B4GALNT1: variants seen among roughly 807,000 people sequenced by gnomAD.
B4GALNT1 encodes beta-1,4-N-acetyl-galactosaminyltransferase 1, also known as beta-1,4 N-acetylgalactosaminyltransferase 1.
A neutral mutation model predicts 55.2 loss-of-function variants in B4GALNT1; 43 were observed. That is an observed-to-expected ratio of 0.78 (90% CI 0.61 to 1.00). The LOEUF (loss-of-function observed/expected upper bound fraction) is 1.00. Among genes scored for constraint, B4GALNT1 ranks in the 50% least tolerant of loss-of-function variants. The pLI, the probability that B4GALNT1 is intolerant of heterozygous loss-of-function variation, is 0.00. For synonymous variants in B4GALNT1, 305 were observed against 311.6 expected, an observed-to-expected ratio of 0.98 and a Z score of 0.22; for missense variants, 664 against 729.7, an observed-to-expected ratio of 0.91 and a Z score of 1.04.
chr12:57,630,647 G>T, intron 4 of B4GALNT1, 129 bp from the exon 5 acceptor site: 2 of 1,123,822 alleles, frequency 1.8e-6, no homozygotes, highest in Admixed American at 2.8e-5. Context: ...GCCTCAGCAG[G>T]GCACACTGTA....
chr12:57,624,595 C>T lies in B4GALNT1; in HGVS notation c.*2149G>A. Reference sequence around the variant, plus strand: ...TCTTCTCCATGATGACTGTGGTCTGCCGCACCCGGAGGTGGGCATAGAGAT... The same window carrying T: ...TCTTCTCCATGATGACTGTGGTCTGTCGCACCCGGAGGTGGGCATAGAGAT... On this transcript the variant is annotated 3_prime_UTR_variant, in exon 11 of 11. Coordinates refer to ENST00000341156, the MANE Select transcript of B4GALNT1 (RefSeq NM_001478.5). 1.5e-6 allele frequency: 1 copy of T among 678,912 alleles called. No homozygotes were observed. The highest frequency in any genetic ancestry group is 1.4e-5 in the South Asian group (1 of 72,284). The allele number at this position is 678,912 out of a possible 1,614,324, so 42.1% of individuals were successfully genotyped here. A position where few individuals can be genotyped will look rare whatever the true frequency, so the allele number is the denominator to read the frequency against.
chr12:57,627,889 G>T (rs1441048310), intron 9 of B4GALNT1, 31 bp from the exon 10 acceptor site: 2 of 1,543,872 alleles, frequency 1.3e-6, no homozygotes, highest in Admixed American at 1.9e-5. Context: ...CCTCCAGGCG[G>T]GCCTGGGATA....
Position 57,629,150 on chromosome 12 carries a change from G to A in B4GALNT1, c.713-4C>T. 2 of 1,575,784 alleles carry A rather than the reference G, an allele frequency of 1.3e-6. No individual in the cohort carries two copies. The highest frequency in any genetic ancestry group is 1.8e-5 in the Admixed American group (1 of 54,812). On this transcript the variant is annotated splice_polypyrimidine_tract_variant and splice_region_variant and intron_variant, in intron 6 of 10. Transcript: ENST00000341156. Reference sequence around the variant, plus strand: ...TGTCCCTCGGTGGAGAACCGGACTGGGAAGAAAGGACATGGCATTTGACCC... The same window carrying A: ...TGTCCCTCGGTGGAGAACCGGACTGAGAAGAAAGGACATGGCATTTGACCC...
At position 57,626,747 on chromosome 12, in the gene B4GALNT1, C is replaced by T; in HGVS notation, c.1599G>A (p.Gln533=). The stretch of plus-strand genomic sequence containing the variant: ...GTCAGAAATCCCCAGCGGGCCATCA[C>T]TGGGAGGTCATGCACTGCAGCCGGT... ...FKHRLQCMTS[Q] is the part of the protein sequence containing the mutation. The change falls in exon 11 of 11, where the codon CAG becomes CAA. Residue 533 remains glutamine (Q), a synonymous_variant. Transcript: ENST00000341156. 6.2e-7 allele frequency: 1 copy of T among 1,614,188 alleles called. No homozygotes were observed.
chr12:57,630,930 C>T, intron 4 of B4GALNT1, 50 bp downstream of exon 4: 1 of 1,547,888 alleles, frequency 6.5e-7, no homozygotes, highest in Non-Finnish European at 8.9e-7. Context: ...ACCTTGGGCT[C>T]TGCCACCCCC....
In B4GALNT1 at chr12:57,624,910, A is replaced by G; in HGVS notation, c.*1834T>C. ...TCTGCATCCTGAGCTATCCAACACC[A>G]CTGTACTTTGGGACCCGTGGGCAGT... is the stretch of plus-strand genomic sequence containing the variant. On this transcript the variant is annotated 3_prime_UTR_variant, in exon 11 of 11. Coordinates refer to ENST00000341156, the MANE Select transcript of B4GALNT1 (RefSeq NM_001478.5). 6.2e-7 allele frequency: 1 copy of G among 1,614,034 alleles called. No homozygotes were observed. The highest frequency in any genetic ancestry group is 1.6e-4 in the Middle Eastern group (1 of 6,062).
In B4GALNT1 at chr12:57,630,520, T is replaced by C; in HGVS notation, c.491-2A>G. On this transcript the variant is annotated splice_acceptor_variant, in intron 4 of 10. Transcript: ENST00000341156. LOFTEE classifies it high-confidence loss of function. ...CAGAAGCTGCCTGAAGGCTCAGCCCTAGGAGAAAGGAGTGGGGGGATCAGA... is the reference window on the plus strand; with the variant it reads ...CAGAAGCTGCCTGAAGGCTCAGCCCCAGGAGAAAGGAGTGGGGGGATCAGA... 1 of 1,605,906 alleles carries C rather than the reference T, an allele frequency of 6.2e-7. No individual in the cohort carries two copies. Among genetic ancestry groups the C allele is most frequent in the Admixed American group, 1.7e-5 (1 of 58,238 alleles).
intron 5 of B4GALNT1, 34 bp from the exon 6 acceptor site, chr12:57,630,366 C>A (rs1039018343): frequency 1.2e-5 from 20 of 1,603,970 alleles, no homozygotes; most frequent in Non-Finnish European, 1.6e-5. Flanking sequence ...GGGTTAGGCC[C>A]CAGACCCACT....
chr12:57,631,167 C>G, intron 3 of B4GALNT1, 33 bp downstream of exon 3: 1 of 1,613,858 alleles, frequency 6.2e-7, no homozygotes, highest in Non-Finnish European at 8.5e-7. Context: ...TGCTCTCCCC[C>G]TGAGGAGTCA....
rs1594971739 is a variant in B4GALNT1 at position 57,624,746 on chromosome 12, C to A, written c.*1998G>T. On this transcript the variant is annotated 3_prime_UTR_variant, in exon 11 of 11. Transcript: ENST00000341156. ...TAGGGTGTAGTGCCTGGCACTTGGA[C>A]AGGCTGAGGGGACAGAGCTCTACAG... 1.1e-6 allele frequency: 1 copy of A among 930,880 alleles called. No homozygotes were observed. The highest frequency in any genetic ancestry group is 1.8e-6 in the Non-Finnish European group (1 of 557,096). 57.7% of individuals were successfully genotyped at this position (930,880 alleles called of 1,614,324 possible).
Position 57,625,151 on chromosome 12 carries a change from T to C in B4GALNT1, c.*1593A>G. 6.2e-7 allele frequency: 1 copy of C among 1,614,054 alleles called. No individual in the cohort carries two copies. The highest frequency in any genetic ancestry group is 8.5e-7 in the Non-Finnish European group (1 of 1,179,990). ...ACTTCAAAGCCAGATGGCCCAATGG[T>C]TGCAGGTGAGATGGGGTGACAAGAA... On this transcript the variant is annotated 3_prime_UTR_variant, in exon 11 of 11. Transcript: ENST00000341156.
rs1333461536 is a variant in B4GALNT1 at position 57,631,990 on chromosome 12, C to CTGCGGGGGCTT, written c.132_142dup (p.Arg48LysfsTer28). The stretch of plus-strand genomic sequence containing the variant: ...AGGAGCAAGATCTGGCAGCTCGGGC[C>CTGCGGGGGCTT]TGCGGGGGCTTTGCGGGGGCGCCCA... On this transcript the variant is annotated frameshift_variant, in exon 2 of 11. Coordinates refer to ENST00000341156, the MANE Select transcript of B4GALNT1 (RefSeq NM_001478.5). LOFTEE classifies it high-confidence loss of function. The CTGCGGGGGCTT allele has an allele frequency of 9.6e-6, 14 of 1,457,008 alleles. No homozygotes were observed. Among genetic ancestry groups the CTGCGGGGGCTT allele is most frequent in the Non-Finnish European group, 8.1e-6 (9 of 1,105,290 alleles). 90.3% of individuals were successfully genotyped at this position (1,457,008 alleles called of 1,614,324 possible).
Position 57,632,090 on chromosome 12 carries a change from G to A in B4GALNT1, c.43C>T (p.Leu15Phe), listed in dbSNP as rs867363541. 5 of 1,448,672 alleles carry A rather than the reference G, an allele frequency of 3.5e-6. No individual in the cohort carries two copies. The highest frequency in any genetic ancestry group is 3.7e-4 in the Middle Eastern group (2 of 5,470). 89.7% of individuals were successfully genotyped at this position (1,448,672 alleles called of 1,614,324 possible). ...AGGAGCCCCAGCGAGGCGCAGGCGA[G>A]CAGAAGGACCAGAGCGCACAGGGCC... is the stretch of plus-strand genomic sequence containing the variant. The part of the protein sequence containing the change: ...RRALCALVLL[L>F]ACASLGLLYA... The change falls in exon 2 of 11, where the codon CTC becomes TTC. Residue 15 changes from leucine to phenylalanine, a missense_variant. By Grantham distance (22) the Leu-to-Phe change is conservative (BLOSUM62 0). Transcript: ENST00000341156.
chr12:57,623,677 A>G lies in B4GALNT1; in HGVS notation c.*3067T>C. 3.2e-6 allele frequency: 2 copies of G among 621,230 alleles called. No individual in the cohort carries two copies. Among genetic ancestry groups the G allele is most frequent in the Admixed American group, 5.9e-5 (2 of 34,012 alleles). 38.5% of individuals were successfully genotyped at this position (621,230 alleles called of 1,614,324 possible). A position where few individuals can be genotyped will look rare whatever the true frequency, so the allele number is the denominator to read the frequency against. ...TAATTGGGGGGAGCGGGAGGGTTAG[A>G]TGTGAATGGCAGAATATTAAGAAGG... On this transcript the variant is annotated 3_prime_UTR_variant, in exon 11 of 11. Transcript: ENST00000341156.
intron 9 of B4GALNT1, 27 bp downstream of exon 9, chr12:57,628,095 C>A (rs1318723522): frequency 1.9e-6 from 3 of 1,612,028 alleles, no homozygotes; most frequent in African/African-American, 1.3e-5. Context: ...CCTTCTCCAC[C>A]CCCACATCCT....
intron 9 of B4GALNT1, 59 bp from the exon 10 acceptor site, chr12:57,627,917 A>G (rs1449937493): frequency 6.7e-7 from 1 of 1,498,810 alleles, no homozygotes; most frequent in East Asian, 2.4e-5. Context: ...CGAAGGGGTC[A>G]AGGTCTGCGC....
chr12:57,626,643 C>T lies in B4GALNT1; in HGVS notation c.*101G>A, dbSNP rs893413881. The T allele has an allele frequency of 7.5e-7, 1 of 1,336,628 alleles. No individual in the cohort carries two copies. The highest frequency in any genetic ancestry group is 1.7e-5 in the Admixed American group (1 of 57,290). 82.8% of individuals were successfully genotyped at this position (1,336,628 alleles called of 1,614,324 possible). ...GAGTGAGGAACTAGAGGCTCAGGGA[C>T]AGCCAGTAGAGTGCTCACAGGGTGG... On this transcript the variant is annotated 3_prime_UTR_variant, in exon 11 of 11. Coordinates refer to ENST00000341156, the MANE Select transcript of B4GALNT1 (RefSeq NM_001478.5).
Position 57,625,514 on chromosome 12 carries a change from C to T in B4GALNT1, c.*1230G>A, listed in dbSNP as rs1161253513. The T allele has an allele frequency of 2.5e-6, 4 of 1,613,782 alleles. No individual in the cohort carries two copies. The Admixed American group carries it at 5.0e-5, about 20-fold the overall frequency. ...GCCCAGTGCCTGGGCAATGACTGGA[C>T]ACCTGCGGTAGGGAAAAGGACCCGG... On this transcript the variant is annotated 3_prime_UTR_variant, in exon 11 of 11. Transcript: ENST00000341156.
At position 57,625,044 on chromosome 12, in the gene B4GALNT1, C is replaced by A; in HGVS notation, c.*1700G>T. ...AGGGAGTGGGAGGCAGGTGGGTGTT[C>A]TGAGGGGGATCCTTGTGCTCAAGGG... On this transcript the variant is annotated 3_prime_UTR_variant, in exon 11 of 11. Coordinates refer to ENST00000341156, the MANE Select transcript of B4GALNT1 (RefSeq NM_001478.5). 1 of 1,613,456 alleles carries A rather than the reference C, an allele frequency of 6.2e-7. No homozygotes were observed. The highest frequency in any genetic ancestry group is 8.5e-7 in the Non-Finnish European group (1 of 1,179,472).
Sources: allele counts gnomAD v4.1 joint callset, GRCh38; gene constraint gnomAD v4.1.1; transcripts MANE v1.5; gene names NCBI Gene and HGNC (gene_info 2026-07-23, HGNC 2026-07-21).